Variants in STK32C observed in about 807,000 individuals in gnomAD.
The protein encoded by STK32C is serine/threonine kinase 32C, also known as serine/threonine-protein kinase 32C.
STK32C carries 31 observed loss-of-function variants against 56.5 expected under a neutral mutation model. The ratio of observed to expected loss-of-function variants is 0.55; its 90% CI spans 0.41 to 0.74. STK32C has a LOEUF of 0.74. STK32C is among the 30% of genes least tolerant of loss of function. The pLI, the probability that STK32C is intolerant of heterozygous loss-of-function variation, is 0.00. For synonymous variants in STK32C, 309 were observed against 289.4 expected (o/e 1.07, Z -0.69); for missense variants, 544 against 676.9 (o/e 0.80, Z 2.18).
chr10:132,234,386 G>A (rs1350932293), intron 2 of STK32C, among the ~76,000 whole-genome samples: 2 of 152,272 alleles, frequency 1.3e-5, no homozygotes, highest in Admixed American at 6.5e-5. Flanking sequence ...GCCTTGCCAC[G>A]GTCCCCTCTG....
intron 2 of STK32C, among the ~76,000 whole-genome samples, chr10:132,236,704 G>A (rs900993533): frequency 6.6e-6 from 1 of 152,218 alleles, no homozygotes; most frequent in Non-Finnish European, 1.5e-5. Context: ...GGCAGCCAGA[G>A]ATAGAAACTT....
intron 2 of STK32C, among the ~76,000 whole-genome samples, chr10:132,236,524 G>A (rs999903463): frequency 1.1e-4 from 16 of 152,230 alleles, no homozygotes; most frequent in Non-Finnish European, 1.0e-4. Context: ...CTTCTCACTC[G>A]CGGGCTCGCT....
At chr10:132,236,289 C>T (rs1340355309) in intron 2 of STK32C, among the ~76,000 whole-genome samples, 1 of 152,230 alleles carries the variant, frequency 6.6e-6, no homozygotes, top group African/African-American at 2.4e-5. Flanking sequence ...CGCGGAGGCC[C>T]GACTGCCCCG....
At chr10:132,277,136 C>A (rs1382122458) in intron 1 of STK32C, among the ~76,000 whole-genome samples, 1 of 152,284 alleles carries the variant, frequency 6.6e-6, no homozygotes, top group African/African-American at 2.4e-5. Context: ...AAGAGCCGAG[C>A]AGGGCCAGCA....
intron 1 of STK32C, among the ~76,000 whole-genome samples, chr10:132,253,545 CGAGGGAGCTGGAGGGAGTCGAGGGAGCTG>C (rs2063994317): frequency 4.2e-5 from 5 of 118,154 alleles, no homozygotes; most frequent in African/African-American, 8.6e-5. Context: ...TGGAGGGAGT[CGAGGGAGCTGGAGGGAGTCGAGGGAGCTG>C]GAGGGAGCTG....
intron 10 of STK32C, among the ~76,000 whole-genome samples, chr10:132,219,536 G>C (rs2062566879): frequency 6.6e-6 from 1 of 152,114 alleles, no homozygotes; most frequent in Admixed American, 6.5e-5. Flanking sequence ...ACATGCTCTG[G>C]TAGGGAAAAC....
chr10:132,225,256 C>A lies in STK32C; in HGVS notation c.853G>T (p.Ala285Ser), dbSNP rs1362093578. Reference sequence around the variant, plus strand: ...ACCCATCCTCGCAGCAGCTCATAGGCCATCACCCCCACCGACCACCAGTCC... The same window carrying A: ...ACCCATCCTCGCAGCAGCTCATAGGACATCACCCCCACCGACCACCAGTCC... ...EVDWWSVGVM[A>S]YELLRGWRPY... The change falls in exon 7 of 12, where the codon GCC becomes TCC. Residue 285 changes from alanine (A) to serine (S), a missense_variant. By Grantham distance (99) the Ala-to-Ser change is moderately conservative. Coordinates refer to ENST00000298630, the MANE Select transcript of STK32C (RefSeq NM_173575.4). The A allele has an allele frequency of 6.2e-7, 1 of 1,611,556 alleles. No individual in the cohort carries two copies. The highest frequency in any genetic ancestry group is 8.5e-7 in the Non-Finnish European group (1 of 1,179,248).
intron 4 of STK32C, among the ~76,000 whole-genome samples, chr10:132,226,582 C>T (rs907140140): frequency 5.3e-5 from 8 of 152,186 alleles, no homozygotes; most frequent in Non-Finnish European, 7.4e-5. Flanking sequence ...GCTGCTGGGA[C>T]GAGGTCCCCC....
At chr10:132,251,036 G>A (rs2063886023) in intron 1 of STK32C, among the ~76,000 whole-genome samples, 1 of 152,188 alleles carries the variant, frequency 6.6e-6, no homozygotes, top group African/African-American at 2.4e-5. Context: ...AGCCAGGGAT[G>A]TCCCAGCAGG....
chr10:132,330,324 A>T, intron 1 of STK32C: 2 of 655,550 alleles, frequency 3.1e-6, no homozygotes, highest in South Asian at 3.2e-5. Flanking sequence ...GAAAAGAGAT[A>T]CTGGAATGCT....
intron 1 of STK32C, among the ~76,000 whole-genome samples, chr10:132,257,689 G>A (rs1590292801): frequency 6.6e-6 from 1 of 150,680 alleles, no homozygotes; most frequent in Admixed American, 6.6e-5. Flanking sequence ...GTGAGCCAAT[G>A]ATGGCAATCC....
chr10:132,297,535 A>G (rs540082419), intron 1 of STK32C, among the ~76,000 whole-genome samples: 5 of 152,246 alleles, frequency 3.3e-5, no homozygotes. Context: ...TTTCCTTTGT[A>G]TCTTTCTTCC....
intron 10 of STK32C, among the ~76,000 whole-genome samples, chr10:132,215,095 T>A (rs757177646): frequency 6.6e-6 from 1 of 152,206 alleles, no homozygotes; most frequent in Non-Finnish European, 1.5e-5. Flanking sequence ...CATAGCTTAC[T>A]GCAGCCTTGA....
intron 2 of STK32C, among the ~76,000 whole-genome samples, chr10:132,232,821 ACGCCACTGACGGGGAGGCCACAG>A (rs2063148505): frequency 6.6e-6 from 1 of 151,614 alleles, no homozygotes; most frequent in Admixed American, 6.6e-5. Flanking sequence ...TTCCTATGAA[ACGCCACTGACGGGGAGGCCACAG>A]CGCCACCCGG....
At chr10:132,281,243 CA>C (rs2065195985) in intron 1 of STK32C, among the ~76,000 whole-genome samples, 1 of 151,826 alleles carries the variant, frequency 6.6e-6, no homozygotes, top group African/African-American at 2.4e-5. Context: ...CTTCAGGCCC[CA>C]TCTTTTGCTT....
intron 9 of STK32C, 22 bp from the exon 10 acceptor site, chr10:132,222,794 G>T: frequency 6.3e-7 from 1 of 1,593,262 alleles, no homozygotes; most frequent in Admixed American, 1.8e-5. Context: ...TGGGTGCTGA[G>T]CCCCGGCCCG....
chr10:132,292,508 C>G (rs574975937), intron 1 of STK32C, among the ~76,000 whole-genome samples: 1 of 152,358 alleles, frequency 6.6e-6, no homozygotes, highest in East Asian at 1.9e-4. Context: ...TGCTCAGGCA[C>G]ACATAAACAC....
chr10:132,265,234 A>T (rs1477790559), intron 1 of STK32C, among the ~76,000 whole-genome samples: 3 of 142,176 alleles, frequency 2.1e-5, no homozygotes, highest in Non-Finnish European at 4.5e-5. Flanking sequence ...CAGGGCAGCG[A>T]GGTGGCTCTG....
At position 132,307,534 on chromosome 10, in the gene STK32C, G is replaced by C. The variant is rs768007093; in HGVS notation, c.262+38C>G. 8.4e-5 allele frequency: 128 copies of C among 1,523,920 alleles called. No individual in the cohort carries two copies. Among genetic ancestry groups the C allele is most frequent in the Non-Finnish European group, 1.1e-4 (124 of 1,136,322 alleles). 94.4% of individuals were successfully genotyped at this position (1,523,920 alleles called of 1,614,324 possible). ...CCCAGCCGCGCCCGCCCCTGCAATA[G>C]CGCGCGGCCCCCACGTCGTCCCCGT... On this transcript the variant is annotated intron_variant, in intron 1 of 11. Coordinates refer to ENST00000298630, the MANE Select transcript of STK32C (RefSeq NM_173575.4). This position sits in a 1 kb window ranked among gnomAD's most constrained non-coding sequence, Gnocchi z 4.4.
Sources: allele counts gnomAD v4.1 joint callset (sites outside exome capture counted in the v4.1 genomes callset), GRCh38; gene constraint gnomAD v4.1.1; non-coding constraint Gnocchi (gnomAD v3.1); transcripts MANE v1.5; gene names NCBI Gene and HGNC (gene_info 2026-07-23, HGNC 2026-07-21).